The following LLPH variants were observed in gnomAD, a reference collection of about 807,000 sequenced individuals.
LLPH encodes protein LLP homolog.
Under a neutral mutation model 13.3 loss-of-function variants are expected in LLPH, and 5 were observed. The ratio of observed to expected loss-of-function variants is 0.38; its 90% confidence interval spans 0.20 to 0.79. The LOEUF is 0.79. Ranked by LOEUF, LLPH falls within the 30% of genes least tolerant of loss-of-function variation. LLPH has a pLI of 0.45. For synonymous variants in LLPH, 32 were observed against 44.2 expected, an observed-to-expected ratio of 0.72 and a Z score of 1.09; for missense variants, 129 against 152.1, an observed-to-expected ratio of 0.85 and a Z score of 0.80.
chr12:66,126,251 G>A (rs1592525325), intron 2 of LLPH, among the ~76,000 whole-genome samples: 1 of 151,588 alleles, frequency 6.6e-6, no homozygotes, highest in Non-Finnish European at 1.5e-5. Context: ...GCGAACCCGG[G>A]AGATGGAGCT....
intron 2 of LLPH, among the ~76,000 whole-genome samples, chr12:66,124,334 G>C (rs1475484192): frequency 6.6e-6 from 1 of 152,184 alleles, no homozygotes; most frequent in East Asian, 1.9e-4. Flanking sequence ...ACTTCTAAGG[G>C]ATACACCTTA....
chr12:66,124,245 T>C (rs1293674953), intron 2 of LLPH, among the ~76,000 whole-genome samples: 1 of 152,206 alleles, frequency 6.6e-6, no homozygotes, highest in Non-Finnish European at 1.5e-5. Context: ...CATTAGTAGA[T>C]ATATGGTTCT....
intron 2 of LLPH, 37 bp downstream of exon 2, chr12:66,128,859 A>G: frequency 6.7e-7 from 1 of 1,488,006 alleles, no homozygotes; most frequent in Non-Finnish European, 9.2e-7. Context: ...AAAAAAAAAA[A>G]AAAAAAAAGA....
rs1592526757 is a variant in LLPH, at chr12:66,129,257, T to G, written c.-7-144A>C. 9 of 626,680 alleles carry G rather than the reference T, an allele frequency of 1.4e-5. No individual in the cohort carries two copies. In the East Asian group the frequency reaches 2.5e-4, roughly 17 times the overall value. The allele number at this position is 626,680 out of a possible 1,614,324, so 38.8% of individuals were successfully genotyped here. A position where few individuals can be genotyped will look rare whatever the true frequency, so the allele number is the denominator to read the frequency against. ...CTTCAATCTGTTCACTTTTTAGGAC[T>G]TAACATGCAACTTATATGAAGATCA... is the stretch of plus-strand genomic sequence containing the variant. On this transcript the variant is annotated intron_variant, in intron 1 of 2. Transcript: ENST00000266604.
rs777584104 is a variant in LLPH, at chr12:66,129,037, T to C, written c.70A>G (p.Lys24Glu). 31 of 1,611,198 alleles carry C rather than the reference T, an allele frequency of 1.9e-5. No homozygotes were observed. The highest frequency in any genetic ancestry group is 2.6e-5 in the Non-Finnish European group (31 of 1,177,650). ...ATACTTTTAAGCCTGCTGGCCTCCTTTGGGGCATTCTTTTTTCTCTTTTCA... is the reference window on the plus strand; with the variant it reads ...ATACTTTTAAGCCTGCTGGCCTCCTCTGGGGCATTCTTTTTTCTCTTTTCA... ...RAEKRKKNAPKEASRLKSILK... is the reference protein window; with the variant it reads ...RAEKRKKNAPEEASRLKSILK... The change falls in exon 2 of 3, where the codon AAG (lysine) becomes GAG (glutamate). Residue 24 changes from lysine to glutamate, a missense_variant. Coordinates refer to ENST00000266604, the MANE Select transcript of LLPH (RefSeq NM_032338.4).
rs1229779641 is a variant in LLPH at position 66,126,323 on chromosome 12, CA to C, written c.212-2306del. Among the ~76,000 whole-genome samples the C allele has an allele frequency of 1.2e-3, 100 of 81,908 alleles. 2 individuals carry two copies. Among genetic ancestry groups the C allele is most frequent in the Admixed American group, 1.6e-3 (12 of 7,694 alleles). 53.7% of individuals were successfully genotyped at this position (81,908 alleles called of 152,430 possible). ...TGGGCGACAGAGTGAGAGTTCATCT[CA>C]AAAAAAAAAAGTAAAAAAAAAAAGA... On this transcript the variant is annotated intron_variant, in intron 2 of 2. Transcript: ENST00000266604.
rs1240588362 is a variant in LLPH, at chr12:66,121,899, A to C, written c.*1941T>G. On this transcript the variant is annotated 3_prime_UTR_variant, in exon 3 of 3. Coordinates refer to ENST00000266604, the MANE Select transcript of LLPH (RefSeq NM_032338.4). The stretch of plus-strand genomic sequence containing the variant: ...ACCCCATCTCAAAAAAAAAAAAAAA[A>C]AAAACATAAATAATTCAGCTACTGT... 1.3e-5 allele frequency: 2 copies of C among 151,712 alleles called. No homozygotes were observed. Among genetic ancestry groups the C allele is most frequent in the Non-Finnish European group, 2.9e-5 (2 of 67,940 alleles). 9.4% of individuals were successfully genotyped at this position (151,712 alleles called of 1,614,324 possible). A position where few individuals can be genotyped will look rare whatever the true frequency, so the allele number is the denominator to read the frequency against.
At chr12:66,130,302 G>A (rs2051526742) in intron 1 of LLPH, among the ~76,000 whole-genome samples, 1 of 152,180 alleles carries the variant, frequency 6.6e-6, no homozygotes, top group African/African-American at 2.4e-5. Context: ...AAGGTAGAGG[G>A]AAAGGTCTTG....
At chr12:66,126,936 A>G (rs981948074) in intron 2 of LLPH, among the ~76,000 whole-genome samples, 1 of 152,116 alleles carries the variant, frequency 6.6e-6, no homozygotes, top group African/African-American at 2.4e-5. Flanking sequence ...CTCAAAAAAA[A>G]AAAACAAAAA....
rs1275627984 is a variant in LLPH at position 66,117,692 on chromosome 12, C to G, written c.*6148G>C. On this transcript the variant is annotated 3_prime_UTR_variant, in exon 3 of 3. Transcript: ENST00000266604. ...AGGTATTGCACAAGAAGGTGTTGCT[C>G]TCATAGGAGATGGCAACTCCATGCC... is the stretch of plus-strand genomic sequence containing the variant. 2.0e-5 allele frequency: 3 copies of G among 152,214 alleles called. No homozygotes were observed. Among genetic ancestry groups the G allele is most frequent in the African/African-American group, 7.2e-5 (3 of 41,450 alleles). 9.4% of individuals were successfully genotyped at this position (152,214 alleles called of 1,614,324 possible).
At chr12:66,124,929 G>A (rs142031592) in intron 2 of LLPH, among the ~76,000 whole-genome samples, 20 of 152,288 alleles carry the variant, frequency 1.3e-4, no homozygotes, top group African/African-American at 3.6e-4. Context: ...GTATCTATAG[G>A]CATTTGTAGT....
Position 66,118,787 on chromosome 12 carries a change from G to C in LLPH, c.*5053C>G, listed in dbSNP as rs918343972. The C allele has an allele frequency of 2.6e-5, 4 of 152,160 alleles. No homozygotes were observed. Among genetic ancestry groups the C allele is most frequent in the Admixed American group, 1.3e-4 (2 of 15,274 alleles). The allele number at this position is 152,160 out of a possible 1,614,324, so 9.4% of individuals were successfully genotyped here. On this transcript the variant is annotated 3_prime_UTR_variant, in exon 3 of 3. Coordinates refer to ENST00000266604, the MANE Select transcript of LLPH (RefSeq NM_032338.4). ...TAGTGACATATGACTATATATGGGAGGATGGGCATGGGTTATATGCAAATA... is the reference window on the plus strand; with the variant it reads ...TAGTGACATATGACTATATATGGGACGATGGGCATGGGTTATATGCAAATA...
rs567727628 is a variant in LLPH, at chr12:66,120,064, T to C, written c.*3776A>G. The C allele has an allele frequency of 2.0e-5, 3 of 152,288 alleles. No homozygotes were observed. The East Asian group carries it at 5.8e-4, about 29-fold the overall frequency. The allele number at this position is 152,288 out of a possible 1,614,324, so 9.4% of individuals were successfully genotyped here. A position where few individuals can be genotyped will look rare whatever the true frequency, so the allele number is the denominator to read the frequency against. Reference sequence around the variant, plus strand: ...CTTCAACTGCAGTTTGCATTTCTTCTCTGATTAGTACCTTGGGCAACTACT... The same window carrying C: ...CTTCAACTGCAGTTTGCATTTCTTCCCTGATTAGTACCTTGGGCAACTACT... On this transcript the variant is annotated 3_prime_UTR_variant, in exon 3 of 3. Transcript: ENST00000266604.
rs1898304 is a variant in LLPH, at chr12:66,117,590, T to C, written c.*6250A>G. On this transcript the variant is annotated 3_prime_UTR_variant, in exon 3 of 3. Coordinates refer to ENST00000266604, the MANE Select transcript of LLPH (RefSeq NM_032338.4). The stretch of plus-strand genomic sequence containing the variant: ...ATGACTACGGTTTATGGCTTTACTA[T>C]ACTTTTTATTTTAGAGTGTACTCCT... 0.32 allele frequency: 48,207 copies of C among 152,188 alleles called. 7,942 individuals are homozygous for C. The highest frequency in any genetic ancestry group is 0.41 in the South Asian group (1,953 of 4,822). 9.4% of individuals were successfully genotyped at this position (152,188 alleles called of 1,614,324 possible).
At position 66,123,579 on chromosome 12, in the gene LLPH, T is replaced by C. The variant is rs768361307; in HGVS notation, c.*261A>G. On this transcript the variant is annotated 3_prime_UTR_variant, in exon 3 of 3. Coordinates refer to ENST00000266604, the MANE Select transcript of LLPH (RefSeq NM_032338.4). ...AACCATATTAATACCTGACAGAACGTTGAGGCCTGATTATAACTGGATATT... is the reference window on the plus strand; with the variant it reads ...AACCATATTAATACCTGACAGAACGCTGAGGCCTGATTATAACTGGATATT... The C allele has an allele frequency of 3.9e-5, 18 of 458,324 alleles. No individual in the cohort carries two copies. Among genetic ancestry groups the C allele is most frequent in the Admixed American group, 1.5e-4 (4 of 26,436 alleles). 28.4% of individuals were successfully genotyped at this position (458,324 alleles called of 1,614,324 possible).
rs529502519 is a variant in LLPH at position 66,125,559 on chromosome 12, A to C, written c.212-1541T>G. On this transcript the variant is annotated intron_variant, in intron 2 of 2. Transcript: ENST00000266604. The stretch of plus-strand genomic sequence containing the variant: ...CACCCTTTAGCTCCTAAAATATCTA[A>C]GAATAAGGGCATCCAGAATTCCCCA... Among the ~76,000 whole-genome samples, 57 of 152,256 alleles carry C rather than the reference A, an allele frequency of 3.7e-4. 1 individual carries two copies. Among genetic ancestry groups the C allele is most frequent in the Non-Finnish European group, 7.4e-4 (50 of 68,018 alleles).
rs148636491 is a variant in LLPH, at chr12:66,122,288, A to G, written c.*1552T>C. 3.9e-5 allele frequency: 6 copies of G among 152,188 alleles called. No individual in the cohort carries two copies. In the East Asian group the frequency reaches 9.6e-4, roughly 24 times the overall value. The allele number at this position is 152,188 out of a possible 1,614,324, so 9.4% of individuals were successfully genotyped here. ...ATGTCCATGTATTGTGCCCCAATTT[A>G]GCAGTGTGCCTGGCACAAAGTTTGT... On this transcript the variant is annotated 3_prime_UTR_variant, in exon 3 of 3. Coordinates refer to ENST00000266604, the MANE Select transcript of LLPH (RefSeq NM_032338.4).
intron 1 of LLPH, among the ~76,000 whole-genome samples, chr12:66,130,108 C>G (rs10878382): frequency 3.3e-5 from 5 of 151,902 alleles, no homozygotes; most frequent in African/African-American, 1.2e-4. Context: ...ACGTCAGTGC[C>G]TTCATATTTG....
At chr12:66,124,057 G>A in intron 2 of LLPH, 39 bp from the exon 3 acceptor site, 1 of 1,388,450 alleles carries the variant, frequency 7.2e-7, no homozygotes, top group Non-Finnish European at 1.0e-6. Flanking sequence ...CACCATGTAT[G>A]AAAAAAACCA....
Sources: gnomAD v4.1 joint callset for allele counts (sites outside exome capture counted in the v4.1 genomes callset) on GRCh38, gnomAD v4.1.1 for gene constraint, MANE v1.5 for transcripts, NCBI Gene and HGNC (gene_info 2026-07-23, HGNC 2026-07-21) for gene names.